The following PDE1A variants were observed in gnomAD, a reference collection of about 807,000 sequenced individuals.
PDE1A encodes dual specificity calcium/calmodulin-dependent 3',5'-cyclic nucleotide phosphodiesterase 1A.
A neutral mutation model predicts 61.7 loss-of-function variants in PDE1A; 35 were observed. The ratio of observed to expected loss-of-function variants is 0.57; its 90% CI spans 0.43 to 0.75. The LOEUF (loss-of-function observed/expected upper bound fraction) is 0.75, where lower values mean the gene tolerates loss of function less well. PDE1A is among the 30% of genes least tolerant of loss of function. PDE1A has a pLI of 0.00. For synonymous variants in PDE1A, 232 were observed against 213.2 expected (o/e 1.09, Z -0.77); for missense variants, 597 against 630.6 (o/e 0.95, Z 0.57).
chr2:182,692,764 T>C, the PDE1A span, among the ~76,000 whole-genome samples: 47 of 151,194 alleles, frequency 3.1e-4, 1 homozygote, highest in Admixed American at 7.3e-4. Flanking sequence ...TGAAAACTTT[T>C]TATGGTTATC....
the PDE1A span, among the ~76,000 whole-genome samples, chr2:182,589,324 T>C: frequency 4.2e-5 from 6 of 141,256 alleles, no homozygotes; most frequent in African/African-American, 1.5e-4. Flanking sequence ...GAGGTATGAT[T>C]GATGTAATTC....
At chr2:182,225,892 A>G (rs1689102596) in intron 6 of PDE1A, among the ~76,000 whole-genome samples, 1 of 149,902 alleles carries the variant, frequency 6.7e-6, no homozygotes, top group Non-Finnish European at 1.5e-5. Flanking sequence ...AAAAGAAGTT[A>G]ATATAACTAG....
chr2:182,449,219 C>A (rs1235589764), intron 2 of PDE1A, among the ~76,000 whole-genome samples: 2 of 151,242 alleles, frequency 1.3e-5, no homozygotes, highest in Admixed American at 6.6e-5. Context: ...AACATCTAGG[C>A]TGACCCAGAA....
chr2:182,630,189 C>CT, the PDE1A span, among the ~76,000 whole-genome samples: 1 of 151,990 alleles, frequency 6.6e-6, no homozygotes, highest in Non-Finnish European at 1.5e-5. Flanking sequence ...CTTTTTCCCC[C>CT]TAGTTTATAC....
chr2:182,484,444 A>G (rs993816282), intron 2 of PDE1A, among the ~76,000 whole-genome samples: 1 of 152,094 alleles, frequency 6.6e-6, no homozygotes, highest in African/African-American at 2.4e-5. Context: ...CATCCTGGAT[A>G]CAGGAACAGG....
intron 1 of PDE1A, among the ~76,000 whole-genome samples, chr2:182,415,987 T>C (rs938217479): frequency 3.1e-4 from 47 of 152,288 alleles, no homozygotes; most frequent in African/African-American, 1.1e-3. Context: ...AAATCTGTAA[T>C]GGCAAGCCAC....
At chr2:182,528,771 C>T in the PDE1A span, among the ~76,000 whole-genome samples, 6 of 152,214 alleles carry the variant, frequency 3.9e-5, no homozygotes, top group African/African-American at 1.4e-4. Context: ...GCCAGTCCAG[C>T]CATGGCTAAA....
chr2:182,518,637 C>A (rs1036808106), intron 2 of PDE1A, among the ~76,000 whole-genome samples: 1 of 152,110 alleles, frequency 6.6e-6, no homozygotes, highest in Non-Finnish European at 1.5e-5. Context: ...GATTCTAGTA[C>A]TATGTTTATA....
the PDE1A span, among the ~76,000 whole-genome samples, chr2:182,687,282 C>T: frequency 6.6e-6 from 1 of 152,216 alleles, no homozygotes; most frequent in African/African-American, 2.4e-5. Flanking sequence ...GAGGCACCCC[C>T]CAGTAGGGGC....
chr2:182,165,393 T>A (rs1339215399), downstream of PDE1A, among the ~76,000 whole-genome samples: 1 of 152,152 alleles, frequency 6.6e-6, no homozygotes, highest in African/African-American at 2.4e-5. Context: ...TCATGATTCT[T>A]GAGTCAACAG....
intron 2 of PDE1A, among the ~76,000 whole-genome samples, chr2:182,512,500 TAAGA>T (rs1359435201): frequency 6.6e-6 from 1 of 152,216 alleles, no homozygotes; most frequent in East Asian, 1.9e-4. Context: ...CTTACACAGA[TAAGA>T]AAGAAACAAT....
intron 1 of PDE1A, among the ~76,000 whole-genome samples, chr2:182,388,370 C>T: frequency 6.6e-6 from 1 of 152,168 alleles, no homozygotes; most frequent in Non-Finnish European, 1.5e-5. Context: ...CTGCAAAATA[C>T]ACATTCTTCT....
intron 2 of PDE1A, chr2:182,463,628 A>C (rs1686455670): frequency 6.6e-6 from 1 of 152,244 alleles, no homozygotes; most frequent in East Asian, 1.9e-4. Flanking sequence ...AAGAGCAGGA[A>C]CAATTCAAGA....
At chr2:182,207,706 T>A (rs542143046) in intron 7 of PDE1A, among the ~76,000 whole-genome samples, 1 of 152,310 alleles carries the variant, frequency 6.6e-6, no homozygotes, top group East Asian at 1.9e-4. Flanking sequence ...GGGGAAGATG[T>A]CTCCAGGGCA....
chr2:182,617,965 A>G, the PDE1A span, among the ~76,000 whole-genome samples: 1 of 152,152 alleles, frequency 6.6e-6, no homozygotes, highest in Non-Finnish European at 1.5e-5. Context: ...GTTTTCTTTC[A>G]ATCTCATACA....
chr2:182,603,290 A>T, the PDE1A span, among the ~76,000 whole-genome samples: 47 of 152,306 alleles, frequency 3.1e-4, no homozygotes, highest in African/African-American at 1.1e-3. Context: ...CTGAGACCAC[A>T]TTGATTACTA....
intron 13 of PDE1A, among the ~76,000 whole-genome samples, chr2:182,169,922 G>GCACACACACA (rs1052290375): frequency 3.9e-3 from 344 of 87,740 alleles, no homozygotes; most frequent in South Asian, 7.3e-3. Flanking sequence ...ACACACACAC[G>GCACACACACA]CACACACACA....
chr2:182,243,671 C>T (rs1690732345), intron 2 of PDE1A, among the ~76,000 whole-genome samples: 1 of 152,102 alleles, frequency 6.6e-6, no homozygotes, highest in Non-Finnish European at 1.5e-5. Context: ...AATGTGCATG[C>T]TGTGAGAGGA....
At chr2:182,581,004 T>C in the PDE1A span, among the ~76,000 whole-genome samples, 3 of 152,144 alleles carry the variant, frequency 2.0e-5, no homozygotes, top group African/African-American at 7.2e-5. Context: ...ATCCTACAGC[T>C]TTCAGTATTG....
Sources: allele counts gnomAD v4.1 joint callset (sites outside exome capture counted in the v4.1 genomes callset), GRCh38; gene constraint gnomAD v4.1.1; transcripts MANE v1.5; gene names NCBI Gene and HGNC (gene_info 2026-07-23, HGNC 2026-07-21).